Variants in ALMS1 observed in about 807,000 individuals in gnomAD.
ALMS1 encodes centrosome-associated protein ALMS1.
ALMS1 carries 271 observed loss-of-function variants against 352.2 expected under a neutral mutation model. The observed-to-expected ratio is 0.77, with a 90% confidence interval of 0.70 to 0.85. The LOEUF (loss-of-function observed/expected upper bound fraction) is 0.85. Ranked by LOEUF, ALMS1 falls within the 40% of genes least tolerant of loss-of-function variation. The pLI, the probability that ALMS1 is intolerant of heterozygous loss-of-function variation, is 0.00. For missense variants in ALMS1, 5,445 were observed against 4,870.7 expected, an observed-to-expected ratio of 1.12 and a Z score of -3.51; for synonymous variants, 1,865 against 1,761.2, an observed-to-expected ratio of 1.06 and a Z score of -1.48.
At chr2:73,580,604 T>C (rs1675156863) in intron 16 of ALMS1, among the ~76,000 whole-genome samples, 1 of 152,220 alleles carries the variant, frequency 6.6e-6, no homozygotes, top group Admixed American at 6.5e-5. Flanking sequence ...AACCCATGAA[T>C]GGGCCATACT....
intron 9 of ALMS1, among the ~76,000 whole-genome samples, chr2:73,465,961 C>T (rs1473490074): frequency 1.6e-4 from 24 of 150,668 alleles, no homozygotes; most frequent in South Asian, 4.3e-4. Flanking sequence ...GTTAGAATGG[C>T]GATCATTAAA....
chr2:73,520,536 A>G (rs1673654590), intron 11 of ALMS1, among the ~76,000 whole-genome samples: 1 of 152,244 alleles, frequency 6.6e-6, no homozygotes, highest in Non-Finnish European at 1.5e-5. Context: ...TCTTTAAAAT[A>G]TATAACCCAA....
At chr2:73,580,670 A>C (rs115450111) in intron 16 of ALMS1, among the ~76,000 whole-genome samples, 73 of 152,260 alleles carry the variant, frequency 4.8e-4, no homozygotes, top group African/African-American at 1.5e-3. Flanking sequence ...CATTTTGAAT[A>C]TTATGATGTG....
At chr2:73,437,503 A>G (rs984109607) in intron 7 of ALMS1, among the ~76,000 whole-genome samples, 3 of 152,174 alleles carry the variant, frequency 2.0e-5, no homozygotes, top group East Asian at 1.9e-4. Context: ...TTCACTTATT[A>G]GCTAACATCA....
rs1674931019 is a variant in ALMS1, at chr2:73,571,707, G to GT, written c.10385-549dup. 3.3e-5 allele frequency among the ~76,000 whole-genome samples: 5 copies of GT among 152,006 alleles called. No homozygotes were observed. The South Asian group carries it at 1.0e-3, about 32-fold the overall frequency. On this transcript the variant is annotated intron_variant, in intron 15 of 22. Coordinates refer to ENST00000613296, the MANE Select transcript of ALMS1 (RefSeq NM_001378454.1). ...AGATAGAAAGTGGTAAATTTTATGT[G>GT]TTTTTTACCACAATAAAAAAAAATT... is the stretch of plus-strand genomic sequence containing the variant.
intron 6 of ALMS1, among the ~76,000 whole-genome samples, chr2:73,429,614 C>A (rs1671461443): frequency 6.6e-6 from 1 of 151,986 alleles, no homozygotes; most frequent in Admixed American, 6.6e-5. Flanking sequence ...CTTGTTTTGG[C>A]CATTTAGCTC....
chr2:73,410,303 C>T (rs1309247728), intron 2 of ALMS1, among the ~76,000 whole-genome samples: 2 of 152,058 alleles, frequency 1.3e-5, no homozygotes, highest in Non-Finnish European at 2.9e-5. Context: ...GCAAGAGAAT[C>T]GCTTGAACCC....
intron 2 of ALMS1, among the ~76,000 whole-genome samples, chr2:73,411,910 T>C (rs1357107445): frequency 6.6e-6 from 1 of 152,206 alleles, no homozygotes; most frequent in African/African-American, 2.4e-5. Flanking sequence ...TATCTAGACT[T>C]TGTCATCACC....
rs752874408 is a variant in ALMS1 at position 73,386,075 on chromosome 2, C to T, written c.207C>T (p.Asp69=). The T allele has an allele frequency of 4.5e-5, 72 of 1,596,226 alleles. No individual in the cohort carries two copies. The highest frequency in any genetic ancestry group is 5.9e-5 in the Non-Finnish European group (69 of 1,171,982). ...GGCCCCAGCATCTGGAAAGTATAGA[C>T]GACGAGGAGGACGAGGAGGCCAAGG... The part of the protein sequence containing the change: ...HYGPQHLESI[D]DEEDEEAKAW... The change falls in exon 1 of 23, where the codon GAC becomes GAT. Residue 69 remains aspartate (D), a synonymous_variant. Transcript: ENST00000613296.
intron 10 of ALMS1, among the ~76,000 whole-genome samples, chr2:73,518,073 C>G (rs1034865735): frequency 6.6e-6 from 1 of 151,368 alleles, no homozygotes; most frequent in East Asian, 1.9e-4. Context: ...AGGTACTAAG[C>G]GTGGTACCCA....
intron 2 of ALMS1, among the ~76,000 whole-genome samples, chr2:73,416,900 C>T (rs1657839256): frequency 6.6e-6 from 1 of 152,094 alleles, no homozygotes; most frequent in African/African-American, 2.4e-5. Context: ...GAGGTCCAGA[C>T]CAGCCTGGGC....
At chr2:73,454,281 A>C (rs1672014002) in intron 8 of ALMS1, 1 of 976,014 alleles carries the variant, frequency 1.0e-6, no homozygotes, top group Admixed American at 6.2e-5. Context: ...CTATTTAACC[A>C]ATAATGTAGT....
At chr2:73,419,343 T>C in intron 3 of ALMS1, 25 bp downstream of exon 3, 1 of 1,601,262 alleles carries the variant, frequency 6.2e-7, no homozygotes, top group Non-Finnish European at 8.6e-7. Context: ...TTTTAACTAG[T>C]AGTAATACCT....
intron 11 of ALMS1, among the ~76,000 whole-genome samples, chr2:73,527,130 T>C (rs926950323): frequency 6.6e-6 from 1 of 152,200 alleles, no homozygotes; most frequent in African/African-American, 2.4e-5. Context: ...TTCTTGGTCA[T>C]GATGAATGAT....
At chr2:73,555,889 G>A (rs568845145) in intron 13 of ALMS1, among the ~76,000 whole-genome samples, 26 of 152,220 alleles carry the variant, frequency 1.7e-4, no homozygotes, top group African/African-American at 3.9e-4. Flanking sequence ...GTCATGGTGC[G>A]TAAAGGTACA....
Position 73,451,537 on chromosome 2 carries a change from G to A in ALMS1, c.5010G>A (p.Lys1670=). 2 of 1,613,934 alleles carry A rather than the reference G, an allele frequency of 1.2e-6. No homozygotes were observed. The highest frequency in any genetic ancestry group is 2.2e-5 in the East Asian group (1 of 44,848). Residue 1670 remains lysine, a synonymous_variant, in exon 8 of 23, where the codon AAG becomes AAA. Coordinates refer to ENST00000613296, the MANE Select transcript of ALMS1 (RefSeq NM_001378454.1). Reference sequence around the variant, plus strand: ...CTACTAGCTACTCAAATAGGGGGAAGCCTGTCATTTTCTACCAGCAGACCC... The same window carrying A: ...CTACTAGCTACTCAAATAGGGGGAAACCTGTCATTTTCTACCAGCAGACCC... The part of the protein sequence containing the change: ...VHSTSYSNRG[K]PVIFYQQTLS...
intron 9 of ALMS1, among the ~76,000 whole-genome samples, chr2:73,461,153 C>G (rs565913584): frequency 1.3e-5 from 2 of 152,352 alleles, no homozygotes; most frequent in African/African-American, 4.8e-5. Flanking sequence ...AAGTGGGTCC[C>G]TGACCCCCAA....
chr2:73,528,939 C>CTTGA (rs1028050999), intron 11 of ALMS1, among the ~76,000 whole-genome samples: 35 of 150,070 alleles, frequency 2.3e-4, no homozygotes, highest in African/African-American at 7.6e-4. Context: ...AGTATTTCTG[C>CTTGA]TTCTTTTTAA....
rs537345016 is a variant in ALMS1, at chr2:73,463,048, C to G, written c.7674+7753C>G. ...CCACTGTCAACATTAGACAGATCAA[C>G]GAGACAGAAAGTTAACAAGGATACC... On this transcript the variant is annotated intron_variant, in intron 9 of 22. Transcript: ENST00000613296. Among the ~76,000 whole-genome samples, 10 of 152,214 alleles carry G rather than the reference C, an allele frequency of 6.6e-5. No individual in the cohort carries two copies. In the South Asian group the frequency reaches 2.1e-3, roughly 32 times the overall value.
Sources: allele counts gnomAD v4.1 joint callset (sites outside exome capture counted in the v4.1 genomes callset), GRCh38; gene constraint gnomAD v4.1.1; transcripts MANE v1.5; gene names NCBI Gene and HGNC (gene_info 2026-07-23, HGNC 2026-07-21).